ANK2: variants seen among roughly 807,000 people sequenced by gnomAD.
ANK2 encodes the protein ankyrin 2.
In ANK2, 83 loss-of-function variants were observed where a neutral mutation model predicts 360.5. The ratio of observed to expected loss-of-function variants is 0.23; its 90% CI spans 0.19 to 0.28. The LOEUF (loss-of-function observed/expected upper bound fraction) is 0.28. Ranked by LOEUF, ANK2 falls within the 10% of genes least tolerant of loss-of-function variation. ANK2 has a pLI of 1.00. For synonymous variants in ANK2, 1,740 were observed against 1,759.5 expected (o/e 0.99, Z 0.28); for missense variants, 4,201 against 4,795.7 (o/e 0.88, Z 3.66).
chr4:113,274,725 G>T lies in ANK2; in HGVS notation c.1683+76G>T, dbSNP rs2059618120. The T allele has an allele frequency of 5.4e-6, 8 of 1,480,118 alleles. No individual in the cohort carries two copies. In the South Asian group the frequency reaches 8.2e-5, roughly 15 times the overall value. The allele number at this position is 1,480,118 out of a possible 1,614,324, so 91.7% of individuals were successfully genotyped here. On this transcript the variant is annotated intron_variant, in intron 15 of 45. Transcript: ENST00000357077. ...TGGCCTTTCTGCTCTACCACATACAGAATCAAGAGGGTAGATCTCCTCAGG... is the reference window on the plus strand; with the variant it reads ...TGGCCTTTCTGCTCTACCACATACATAATCAAGAGGGTAGATCTCCTCAGG...
At chr4:113,109,121 G>C (rs2093995554) in intron 1 of ANK2, among the ~76,000 whole-genome samples, 1 of 151,598 alleles carries the variant, frequency 6.6e-6, no homozygotes, top group Non-Finnish European at 1.5e-5. Context: ...AGAGGTAGTG[G>C]AAAAAAACAA....
At chr4:112,770,070 G>T in the ANK2 span, among the ~76,000 whole-genome samples, 5 of 152,166 alleles carry the variant, frequency 3.3e-5, no homozygotes, top group African/African-American at 4.8e-5. Context: ...CTGTCCCACT[G>T]GTTCTGTTTA....
the ANK2 span, among the ~76,000 whole-genome samples, chr4:112,747,252 C>T: frequency 2.0e-5 from 3 of 152,162 alleles, no homozygotes; most frequent in Admixed American, 6.6e-5. Context: ...TTTAATCTGG[C>T]TTAAGTCCAG....
chr4:113,189,925 T>C (rs1003822797), intron 2 of ANK2, among the ~76,000 whole-genome samples: 1 of 152,214 alleles, frequency 6.6e-6, no homozygotes, highest in Admixed American at 6.5e-5. Flanking sequence ...AATGAGTCAG[T>C]GATAAACATG....
intron 1 of ANK2, among the ~76,000 whole-genome samples, chr4:112,825,173 A>G (rs1413761073): frequency 1.3e-5 from 2 of 152,100 alleles, no homozygotes; most frequent in Admixed American, 1.3e-4. Flanking sequence ...GGAACATCAC[A>G]TACCAGGCCT....
At chr4:112,857,953 T>C (rs1225091550) in intron 1 of ANK2, among the ~76,000 whole-genome samples, 2 of 152,188 alleles carry the variant, frequency 1.3e-5, no homozygotes, top group Non-Finnish European at 2.9e-5. Context: ...AGGACTTAAC[T>C]CAATAGGAAG....
chr4:113,208,250 G>A (rs2098977685), intron 4 of ANK2, among the ~76,000 whole-genome samples: 1 of 151,872 alleles, frequency 6.6e-6, no homozygotes, highest in African/African-American at 2.4e-5. Flanking sequence ...ATCATTTGGA[G>A]ACCGTTGTCA....
chr4:113,287,069 G>A (rs2065019391), intron 18 of ANK2, among the ~76,000 whole-genome samples: 1 of 152,090 alleles, frequency 6.6e-6, no homozygotes, highest in Admixed American at 6.5e-5. Flanking sequence ...AAATAATGAG[G>A]TTACTTTAAG....
chr4:112,828,638 T>C (rs577113124), intron 1 of ANK2, among the ~76,000 whole-genome samples: 25 of 152,250 alleles, frequency 1.6e-4, no homozygotes, highest in African/African-American at 5.5e-4. Context: ...ATGACAAAGA[T>C]TCCAAAAGCA....
chr4:113,320,683 A>T (rs1219566176), intron 26 of ANK2, among the ~76,000 whole-genome samples: 1 of 152,052 alleles, frequency 6.6e-6, no homozygotes, highest in African/African-American at 2.4e-5. Context: ...AAACAAAAAA[A>T]ACTAGTGCCC....
At chr4:113,155,646 G>C (rs1168492396) in intron 1 of ANK2, among the ~76,000 whole-genome samples, 2 of 152,118 alleles carry the variant, frequency 1.3e-5, no homozygotes, top group South Asian at 4.2e-4. Context: ...TTGACTTCAG[G>C]GTTGGAAAGC....
chr4:112,954,780 A>T (rs528869924), intron 2 of ANK2, among the ~76,000 whole-genome samples: 2 of 152,296 alleles, frequency 1.3e-5, no homozygotes, highest in South Asian at 4.1e-4. Context: ...TTTTGTAGTA[A>T]TCATCATACA....
chr4:113,033,740 T>A (rs2060950716), intron 2 of ANK2: 1 of 151,942 alleles, frequency 6.6e-6, no homozygotes, highest in South Asian at 2.1e-4. Context: ...AACAAATGGA[T>A]AGTTTCCATT....
intron 1 of ANK2, among the ~76,000 whole-genome samples, chr4:113,160,686 T>C (rs2154402622): frequency 6.6e-6 from 1 of 152,310 alleles, no homozygotes; most frequent in East Asian, 1.9e-4. Flanking sequence ...TAAAAATGAA[T>C]AAGTCATGGA....
At chr4:112,729,962 CAA>C in the ANK2 span, among the ~76,000 whole-genome samples, 3 of 151,772 alleles carry the variant, frequency 2.0e-5, no homozygotes, top group Non-Finnish European at 4.4e-5. Flanking sequence ...AACATAGAAG[CAA>C]AGAGTAGAAT....
chr4:112,786,393 AT>A, the ANK2 span, among the ~76,000 whole-genome samples: 1,478 of 134,468 alleles, frequency 0.011, 67 homozygotes, highest in Admixed American at 0.091. Context: ...AACCACCAGA[AT>A]TTTTTTTTTT....
chr4:112,981,974 G>T (rs1489843704), intron 2 of ANK2, among the ~76,000 whole-genome samples: 1 of 152,128 alleles, frequency 6.6e-6, no homozygotes. Flanking sequence ...CTATCAACAT[G>T]ATGTTTATAG....
At chr4:112,835,707 TA>T (rs903524092) in intron 1 of ANK2, among the ~76,000 whole-genome samples, 1 of 152,172 alleles carries the variant, frequency 6.6e-6, no homozygotes, top group African/African-American at 2.4e-5. Flanking sequence ...AGGATTAAAT[TA>T]AAAAACTATC....
chr4:113,358,837 A>T lies in ANK2; in HGVS notation c.10219A>T (p.Thr3407Ser). 1 of 1,613,964 alleles carries T rather than the reference A, an allele frequency of 6.2e-7. No individual in the cohort carries two copies. Among genetic ancestry groups the T allele is most frequent in the East Asian group, 2.2e-5 (1 of 44,870 alleles). Residue 3407 changes from threonine (T) to serine (S), a missense_variant, in exon 38 of 46, where the codon ACC (threonine) becomes TCC (serine). By Grantham distance (58) the Thr-to-Ser change is moderately conservative. This residue lies in a region of ANK2 where 2,642 missense variants were observed against 2,714.5 expected (regional missense o/e 0.97). Coordinates refer to ENST00000357077, the MANE Select transcript of ANK2 (RefSeq NM_001148.6). ...TTCAAAGACCAAATGCCCAGTAAAA[A>T]CCCGAAGTTACACTGAGACAGAAAC... is the stretch of plus-strand genomic sequence containing the variant. ...LDSKTKCPVKTRSYTETETES... is the reference protein window; with the variant it reads ...LDSKTKCPVKSRSYTETETES...
Sources: allele counts gnomAD v4.1 joint callset (sites outside exome capture counted in the v4.1 genomes callset), GRCh38; gene constraint gnomAD v4.1.1; regional missense constraint gnomAD v4.1.1; transcripts MANE v1.5; gene names NCBI Gene and HGNC (gene_info 2026-07-23, HGNC 2026-07-21).